SMIM44: variants seen among roughly 807,000 people sequenced by gnomAD.
SMIM44 encodes the protein small integral membrane protein 44.
the SMIM44 span, chr19:3,482,887 G>A: frequency 1.0e-5 from 4 of 397,540 alleles, no homozygotes; most frequent in Admixed American, 8.8e-5. Context: ...TCCGGGGGAG[G>A]CGGGGGTTCA....
the SMIM44 span, chr19:3,483,383 C>T: frequency 5.3e-5 from 21 of 398,056 alleles, no homozygotes; most frequent in East Asian, 7.5e-4. Context: ...CGGCCTCCCC[C>T]TCGGCCGCCA....
At chr19:3,482,871 C>T in the SMIM44 span, 1 of 163,244 alleles carries the variant, frequency 6.1e-6, no homozygotes, top group African/African-American at 2.8e-5. Context: ...GGAGGGGCGG[C>T]GGGGCTCCGG....
the SMIM44 span, chr19:3,482,872 G>C: frequency 5.0e-6 from 2 of 397,850 alleles, no homozygotes; most frequent in African/African-American, 4.1e-5. Context: ...GAGGGGCGGC[G>C]GGGCTCCGGG....
chr19:3,482,207 G>A, the SMIM44 span, among the ~76,000 whole-genome samples: 5 of 152,326 alleles, frequency 3.3e-5, no homozygotes, highest in East Asian at 9.6e-4. Flanking sequence ...GGGAGCTCTC[G>A]ATCTGATTAG....
the SMIM44 span, chr19:3,482,666 C>T: frequency 1.3e-5 from 5 of 395,748 alleles, no homozygotes; most frequent in Non-Finnish European, 2.2e-5. Context: ...CGCCAGCGTC[C>T]AACCCCCGGA....
chr19:3,483,066 C>T, the SMIM44 span: 1 of 398,498 alleles, frequency 2.5e-6, no homozygotes, highest in Non-Finnish European at 4.4e-6. Context: ...GGCAAGGGAG[C>T]TGGTGAGGCA....
the SMIM44 span, chr19:3,483,321 A>G: frequency 2.5e-6 from 1 of 398,266 alleles, no homozygotes; most frequent in Non-Finnish European, 4.4e-6. Context: ...GATGCTGTCC[A>G]GGGGCGGCGG....
At chr19:3,483,311 G>A in the SMIM44 span, 1 of 398,312 alleles carries the variant, frequency 2.5e-6, no homozygotes. Context: ...TGGGCAGGCG[G>A]ATGCTGTCCA....
At chr19:3,483,152 C>A in the SMIM44 span, 2 of 398,324 alleles carry the variant, frequency 5.0e-6, no homozygotes, top group African/African-American at 4.1e-5. Flanking sequence ...ACCACCCACC[C>A]AGGGTGACCC....
the SMIM44 span, chr19:3,482,722 C>T: frequency 2.5e-6 from 1 of 397,082 alleles, no homozygotes; most frequent in Non-Finnish European, 4.4e-6. Flanking sequence ...GACCGGGCAG[C>T]TCAGGGTTTG....
At chr19:3,482,798 C>G in the SMIM44 span, 1 of 397,696 alleles carries the variant, frequency 2.5e-6, no homozygotes, top group Non-Finnish European at 4.4e-6. Context: ...AACCCGGATT[C>G]AGGATTCAAG....
At chr19:3,482,549 T>C in the SMIM44 span, among the ~76,000 whole-genome samples, 74 of 152,328 alleles carry the variant, frequency 4.9e-4, no homozygotes, top group African/African-American at 1.6e-3. Context: ...CTCGGTAAGG[T>C]TGGCCGATAA....
At chr19:3,482,749 G>C in the SMIM44 span, 1 of 397,618 alleles carries the variant, frequency 2.5e-6, no homozygotes, top group Non-Finnish European at 4.4e-6. Flanking sequence ...GGGCTCCGGC[G>C]CGCGTAAGTT....
chr19:3,482,715 C>T, the SMIM44 span: 35 of 396,616 alleles, frequency 8.8e-5, no homozygotes, highest in Admixed American at 4.4e-4. Flanking sequence ...CCGCTGCGAC[C>T]GGGCAGCTCA....
chr19:3,482,211 T>C, the SMIM44 span, among the ~76,000 whole-genome samples: 2 of 152,176 alleles, frequency 1.3e-5, no homozygotes, highest in Admixed American at 1.3e-4. Context: ...GCTCTCGATC[T>C]GATTAGGAAG....
At chr19:3,482,449 AGTG>A in the SMIM44 span, among the ~76,000 whole-genome samples, 1 of 152,220 alleles carries the variant, frequency 6.6e-6, no homozygotes, top group African/African-American at 2.4e-5. Context: ...CCATCTGTTA[AGTG>A]GGGGCGATCA....
chr19:3,482,693 G>A, the SMIM44 span: 3 of 396,212 alleles, frequency 7.6e-6, no homozygotes, highest in Non-Finnish European at 1.3e-5. Flanking sequence ...CGGCTGGGAA[G>A]GAGAAAGCCG....
the SMIM44 span, chr19:3,483,099 C>T: frequency 2.5e-6 from 1 of 398,504 alleles, no homozygotes; most frequent in East Asian, 3.6e-5. Context: ...CGGCCACCCT[C>T]CTCTGTCCCC....
the SMIM44 span, among the ~76,000 whole-genome samples, chr19:3,482,504 G>A: frequency 1.6e-3 from 239 of 152,330 alleles, 1 homozygote; most frequent in Middle Eastern, 0.034. Context: ...CATAGAAAAA[G>A]CCTGCTCTGC....
Sources: allele counts gnomAD v4.1 joint callset (sites outside exome capture counted in the v4.1 genomes callset), GRCh38; gene constraint gnomAD v4.1.1; transcripts MANE v1.5; gene names NCBI Gene and HGNC (gene_info 2026-07-23, HGNC 2026-07-21).